Variants in SCUBE2 observed in about 807,000 individuals in gnomAD.
The protein encoded by SCUBE2 is signal peptide, CUB and EGF-like domain-containing protein 2.
A neutral mutation model predicts 125.9 loss-of-function variants in SCUBE2; 114 were observed. The observed-to-expected ratio is 0.91, with a 90% confidence interval of 0.78 to 1.06. SCUBE2 has a LOEUF of 1.06. SCUBE2 is among the 50% of genes least tolerant of loss of function. The probability of loss-of-function intolerance (pLI) is 0.00; values close to 1 mark genes in which losing one functional copy is unlikely to be tolerated. For missense variants in SCUBE2, 1,255 were observed against 1,301.8 expected, an observed-to-expected ratio of 0.96 and a Z score of 0.55; for synonymous variants, 459 against 492.9, an observed-to-expected ratio of 0.93 and a Z score of 0.91.
intron 7 of SCUBE2, chr11:9,064,467 T>TA (rs112249412): frequency 0.3 from 39,005 of 129,852 alleles, 6,193 homozygotes; most frequent in East Asian, 0.49. Flanking sequence ...GACTCTGTCT[T>TA]AAAAAAAAAA....
At chr11:9,025,009 C>T (rs560741392) in intron 21 of SCUBE2, among the ~76,000 whole-genome samples, 78 of 152,208 alleles carry the variant, frequency 5.1e-4, no homozygotes, top group Non-Finnish European at 6.8e-4. Flanking sequence ...CAAATGACTC[C>T]TCTCCTACAG....
intron 4 of SCUBE2, among the ~76,000 whole-genome samples, chr11:9,070,162 AAG>A (rs970031180): frequency 8.6e-5 from 13 of 151,362 alleles, no homozygotes; most frequent in Non-Finnish European, 1.6e-4. Context: ...AGAGAGAGAG[AAG>A]AGAGAGAGAG....
At position 9,051,468 on chromosome 11, in the gene SCUBE2, A is replaced by G. The variant is rs1294070184; in HGVS notation, c.1535-758T>C. Reference sequence around the variant, plus strand: ...GGCTGAGGGAGCTGTTGTTCCAGACACAGATGGCACTCACTAAACATGGCT... The same window carrying G: ...GGCTGAGGGAGCTGTTGTTCCAGACGCAGATGGCACTCACTAAACATGGCT... On this transcript the variant is annotated intron_variant, in intron 13 of 22. Transcript: ENST00000649792. 2.0e-5 allele frequency among the ~76,000 whole-genome samples: 3 copies of G among 152,266 alleles called. No individual in the cohort carries two copies. The East Asian group carries it at 5.8e-4, about 29-fold the overall frequency.
At chr11:9,072,592 C>T (rs1351574698) in intron 4 of SCUBE2, among the ~76,000 whole-genome samples, 2 of 152,198 alleles carry the variant, frequency 1.3e-5, no homozygotes, top group Non-Finnish European at 2.9e-5. Flanking sequence ...TTTTTACAGG[C>T]TGTTCTATTT....
intron 3 of SCUBE2, among the ~76,000 whole-genome samples, chr11:9,077,955 T>C (rs189994217): frequency 9.2e-5 from 14 of 152,316 alleles, no homozygotes; most frequent in African/African-American, 3.4e-4. Flanking sequence ...TTCTTGCTCT[T>C]AGGAACCTTA....
At chr11:9,021,787 GC>G (rs1855315086) in intron 22 of SCUBE2, 88 bp downstream of exon 22, 1 of 944,412 alleles carries the variant, frequency 1.1e-6, no homozygotes, top group Non-Finnish European at 1.7e-6. Context: ...CTGAAAGGTG[GC>G]AACAAGGAGC....
At chr11:9,054,725 A>ATATATATATAT (rs1368153935) in intron 10 of SCUBE2, among the ~76,000 whole-genome samples, 2 of 22,344 alleles carry the variant, frequency 9.0e-5, no homozygotes, top group Admixed American at 7.5e-4. Flanking sequence ...ATATATATAT[A>ATATATATATAT]TTTTTTTTTT....
chr11:9,066,249 CCT>C (rs766641691), intron 6 of SCUBE2, among the ~76,000 whole-genome samples: 2 of 152,176 alleles, frequency 1.3e-5, no homozygotes, highest in Non-Finnish European at 2.9e-5. Context: ...GCTTCAGTCC[CCT>C]GAGTCGAGGA....
chr11:9,091,365 G>A lies in SCUBE2; in HGVS notation c.133+31C>T, dbSNP rs770786255. 1 of 1,296,840 alleles carries A rather than the reference G, an allele frequency of 7.7e-7. No individual in the cohort carries two copies. Among genetic ancestry groups the A allele is most frequent in the East Asian group, 3.2e-5 (1 of 31,148 alleles). The allele number at this position is 1,296,840 out of a possible 1,614,324, so 80.3% of individuals were successfully genotyped here. ...CACTCTTCCTGGCCCTGCCTGCTGT[G>A]CCAGGTGCGCCCCCGCGGCCGGACA... On this transcript the variant is annotated intron_variant, in intron 1 of 22. Transcript: ENST00000649792. This position sits in a 1 kb window ranked among gnomAD's most constrained non-coding sequence, Gnocchi z 8.5.
At chr11:9,030,947 C>G (rs752362284) in intron 17 of SCUBE2, 22 bp from the exon 18 acceptor site, 11 of 1,604,302 alleles carry the variant, frequency 6.9e-6, no homozygotes, top group Non-Finnish European at 9.4e-6. Context: ...AATAGCCTTA[C>G]GTGAGCAAGG....
At chr11:9,049,299 A>T (rs1430133218) in intron 14 of SCUBE2, among the ~76,000 whole-genome samples, 6 of 152,184 alleles carry the variant, frequency 3.9e-5, no homozygotes, top group Non-Finnish European at 8.8e-5. Flanking sequence ...GCTGGAGTGC[A>T]GTGGTGTCAA....
chr11:9,032,568 T>C (rs1757287779), intron 17 of SCUBE2, among the ~76,000 whole-genome samples: 1 of 152,168 alleles, frequency 6.6e-6, no homozygotes, highest in African/African-American at 2.4e-5. Context: ...ACCCCATCTC[T>C]GCTAAAATAC....
intron 16 of SCUBE2, among the ~76,000 whole-genome samples, chr11:9,039,029 G>A (rs1265546097): frequency 2.6e-5 from 4 of 151,986 alleles, no homozygotes; most frequent in Admixed American, 6.6e-5. Context: ...GGAACTACAG[G>A]CTTGCACCAC....
chr11:9,060,369 T>C, intron 8 of SCUBE2, 39 bp downstream of exon 8: 2 of 1,517,730 alleles, frequency 1.3e-6, no homozygotes, highest in Non-Finnish European at 1.8e-6. Context: ...CCTCCCTCCA[T>C]AACAGGGCAC....
chr11:9,085,675 A>G (rs1334002472), intron 2 of SCUBE2, among the ~76,000 whole-genome samples: 1 of 152,156 alleles, frequency 6.6e-6, no homozygotes, highest in Non-Finnish European at 1.5e-5. Context: ...GCAATAAGCC[A>G]ACATCACGCC....
rs1372784369 is a variant in SCUBE2, at chr11:9,053,189, C to A, written c.1357G>T (p.Val453Leu). 6.2e-7 allele frequency: 1 copy of A among 1,614,212 alleles called. No individual in the cohort carries two copies. Among genetic ancestry groups the A allele is most frequent in the South Asian group, 1.1e-5 (1 of 91,078 alleles). ...CAGTGCAGGGACACACGGGGTGACA[C>A]ACTTGTGGGCAGGAGCCCCTTCACT... ...VEVKGLLPTSVSPRVSLHCGK... is the reference protein window; with the variant it reads ...VEVKGLLPTSLSPRVSLHCGK... Residue 453 changes from valine (V) to leucine (L), a missense_variant, in exon 12 of 23, where the codon GTG becomes TTG. Physicochemically the swap from Val to Leu is conservative, Grantham distance 32. Transcript: ENST00000649792.
chr11:9,045,614 C>CAG (rs1857644564), intron 16 of SCUBE2, among the ~76,000 whole-genome samples: 1 of 38,164 alleles, frequency 2.6e-5, no homozygotes, highest in African/African-American at 5.3e-5. Context: ...CAGACAGACA[C>CAG]ACACACACAC....
Position 9,025,600 on chromosome 11 carries a change from C to CGAAA in SCUBE2, c.2854+101_2854+102insTTTC, listed in dbSNP as rs1589988613. On this transcript the variant is annotated intron_variant, in intron 21 of 22. Coordinates refer to ENST00000649792, the MANE Select transcript of SCUBE2 (RefSeq NM_001367977.2). ...TGTCTTTTCCCCTCATCTTGCCTGC[C>CGAAA]TTTCTGAGCATGTGTGCTTGTCAGC... 8.4e-6 allele frequency: 12 copies of CGAAA among 1,425,596 alleles called. No homozygotes were observed. In the East Asian group the frequency reaches 2.8e-4, roughly 34 times the overall value. 88.3% of individuals were successfully genotyped at this position (1,425,596 alleles called of 1,614,324 possible).
chr11:9,047,661 C>T (rs1590056792), intron 15 of SCUBE2, 99 bp from the exon 16 acceptor site: 1 of 1,253,030 alleles, frequency 8.0e-7, no homozygotes, highest in Non-Finnish European at 1.1e-6. Context: ...CCCGAGCTCC[C>T]TGTGGACCGA....
Sources: gnomAD v4.1 joint callset for allele counts (sites outside exome capture counted in the v4.1 genomes callset) on GRCh38, gnomAD v4.1.1 for gene constraint, Gnocchi (gnomAD v3.1) non-coding constraint, MANE v1.5 for transcripts, NCBI Gene and HGNC (gene_info 2026-07-23, HGNC 2026-07-21) for gene names.